CLIP4: variants seen among roughly 807,000 people sequenced by gnomAD.
CLIP4 encodes CAP-Gly domain containing linker protein family member 4, also known as CAP-Gly domain-containing linker protein 4.
Under a neutral mutation model 73.1 loss-of-function variants are expected in CLIP4, and 47 were observed. The ratio of observed to expected loss-of-function variants is 0.64; its 90% CI spans 0.51 to 0.82. The LOEUF (loss-of-function observed/expected upper bound fraction) is 0.82. Among genes scored for constraint, CLIP4 ranks in the 40% least tolerant of loss-of-function variants. The probability of loss-of-function intolerance (pLI) is 0.00; values close to 1 mark genes in which losing one functional copy is unlikely to be tolerated. For synonymous variants in CLIP4, 306 were observed against 295.4 expected, an observed-to-expected ratio of 1.04 and a Z score of -0.37; for missense variants, 874 against 852.9, an observed-to-expected ratio of 1.02 and a Z score of -0.31.
In CLIP4 at chr2:29,143,735, T is replaced by C. The variant is rs1665947287; in HGVS notation, c.675T>C (p.Asp225=). The change falls in exon 7 of 16, where the codon GAT becomes GAC. Residue 225 remains aspartate, a synonymous_variant. Coordinates refer to ENST00000320081, the MANE Select transcript of CLIP4 (RefSeq NM_024692.6). ...FRNDKGQIPA[D]VVPDPVDMPL... ...ATGACAAAGGACAGATCCCTGCTGA[T>C]GTTGTTCCAGACCCAGTAGATATGC... is the stretch of plus-strand genomic sequence containing the variant. 1.9e-6 allele frequency: 3 copies of C among 1,613,292 alleles called. No homozygotes were observed. The highest frequency in any genetic ancestry group is 2.7e-5 in the African/African-American group (2 of 74,930).
chr2:29,130,618 C>T, intron 2 of CLIP4: 1 of 1,095,188 alleles, frequency 9.1e-7, no homozygotes, highest in Non-Finnish European at 1.1e-6. Context: ...TGATTTTTGC[C>T]TAACAGGACC....
chr2:29,146,375 A>G (rs1666166377), intron 8 of CLIP4, among the ~76,000 whole-genome samples: 1 of 152,192 alleles, frequency 6.6e-6, no homozygotes, highest in Non-Finnish European at 1.5e-5. Context: ...AAGCAAGGCC[A>G]ACTTTATGAC....
rs561263827 is a variant in CLIP4, at chr2:29,145,321, TG to T, written c.977del (p.Gly326GlufsTer24). On this transcript the variant is annotated frameshift_variant, in exon 8 of 16. Coordinates refer to ENST00000320081, the MANE Select transcript of CLIP4 (RefSeq NM_024692.6). LOFTEE classifies it high-confidence loss of function. ...ELDEPEGKNN[G>X]SVGKVQYFKC... ...TGGATGAACCAGAAGGAAAAAATAA[TG>T]GAAGTGTTGGAAAAGTCCAGTACTT... is the stretch of plus-strand genomic sequence containing the variant. The T allele has an allele frequency of 6.2e-7, 1 of 1,613,178 alleles. No individual in the cohort carries two copies. Among genetic ancestry groups the T allele is most frequent in the South Asian group, 1.1e-5 (1 of 91,024 alleles).
intron 6 of CLIP4, among the ~76,000 whole-genome samples, chr2:29,139,566 C>A (rs3099566): frequency 0.17 from 25,748 of 152,048 alleles, 2,472 homozygotes; most frequent in Middle Eastern, 0.26. Flanking sequence ...TTATCAGCTC[C>A]TCCTCGTATG....
rs779241531 is a variant in CLIP4, at chr2:29,135,586, G to A, written c.568G>A (p.Ala190Thr). The change falls in exon 6 of 16, where the codon GCT becomes ACT. Residue 190 changes from alanine to threonine, a missense_variant. Transcript: ENST00000320081. ...TTGCAGTGATTTTAATTTTGGAACA[G>A]CTTTGCATATTGCAGCATACAACTT... Reference protein sequence around the residue: ...ATCSDFNFGTALHIAAYNLCA... With the variant: ...ATCSDFNFGTTLHIAAYNLCA... The A allele has an allele frequency of 6.2e-7, 1 of 1,610,462 alleles. No homozygotes were observed. Among genetic ancestry groups the A allele is most frequent in the East Asian group, 2.2e-5 (1 of 44,594 alleles).
intron 9 of CLIP4, among the ~76,000 whole-genome samples, chr2:29,153,829 T>C (rs1449857277): frequency 6.6e-6 from 1 of 152,204 alleles, no homozygotes; most frequent in Non-Finnish European, 1.5e-5. Context: ...TTTTTAAAAA[T>C]AAATCTTGAT....
intron 1 of CLIP4, among the ~76,000 whole-genome samples, chr2:29,116,970 A>G (rs1663899215): frequency 6.6e-6 from 1 of 152,236 alleles, no homozygotes; most frequent in Non-Finnish European, 1.5e-5. Context: ...TTTAGATTAT[A>G]TAAAATCAAC....
intron 6 of CLIP4, among the ~76,000 whole-genome samples, chr2:29,136,461 A>T (rs181538635): frequency 6.6e-6 from 1 of 151,714 alleles, no homozygotes; most frequent in African/African-American, 2.4e-5. Context: ...CCTTCTGACT[A>T]TATTGGTTAT....
At chr2:29,129,354 C>T (rs968108567) in intron 2 of CLIP4, among the ~76,000 whole-genome samples, 9 of 152,042 alleles carry the variant, frequency 5.9e-5, no homozygotes, top group African/African-American at 2.2e-4. Flanking sequence ...GGATTAGTTC[C>T]TATTTTTCTG....
intron 14 of CLIP4, among the ~76,000 whole-genome samples, chr2:29,173,302 A>G (rs1171455519): frequency 6.6e-6 from 1 of 152,224 alleles, no homozygotes; most frequent in Non-Finnish European, 1.5e-5. Context: ...CCTACTGAGG[A>G]TTAAGGTTGA....
At chr2:29,112,638 T>C (rs1005254220), upstream of CLIP4, among the ~76,000 whole-genome samples, 6 of 152,250 alleles carry the variant, frequency 3.9e-5, no homozygotes, top group Non-Finnish European at 7.3e-5. Context: ...ACTTTGTTGA[T>C]TCTGTTGGGC....
chr2:29,150,361 G>C (rs1300567329), intron 8 of CLIP4, among the ~76,000 whole-genome samples: 1 of 152,192 alleles, frequency 6.6e-6, no homozygotes, highest in Non-Finnish European at 1.5e-5. Flanking sequence ...ATACTGAAAA[G>C]TGTCCTTCAG....
intron 13 of CLIP4, 131 bp from the exon 14 acceptor site, chr2:29,167,345 G>A: frequency 2.1e-6 from 1 of 486,994 alleles, no homozygotes; most frequent in Non-Finnish European, 3.7e-6. Context: ...TTCATTCCTG[G>A]CTTAAAATGG....
chr2:29,119,875 C>G (rs1177900117), intron 1 of CLIP4, among the ~76,000 whole-genome samples: 3 of 152,198 alleles, frequency 2.0e-5, no homozygotes, highest in African/African-American at 7.2e-5. Context: ...AGATCCCATT[C>G]TGCCTCATAA....
At chr2:29,167,418 C>T (rs1243818363) in intron 13 of CLIP4, 58 bp from the exon 14 acceptor site, 1 of 1,203,498 alleles carries the variant, frequency 8.3e-7, no homozygotes, top group Non-Finnish European at 1.2e-6. Context: ...AGTTGATAAC[C>T]AGTCTTAAAC....
In CLIP4 at chr2:29,143,578, C is replaced by T. The variant is rs142686545; in HGVS notation, c.649-131C>T. ...TAGAATGGTGTCTGCATATTGTAGGCGTTCAGGAAATGTTTTTGAATAAAC... is the reference window on the plus strand; with the variant it reads ...TAGAATGGTGTCTGCATATTGTAGGTGTTCAGGAAATGTTTTTGAATAAAC... On this transcript the variant is annotated intron_variant, in intron 6 of 15. Transcript: ENST00000320081. The T allele has an allele frequency of 2.1e-3, 1,413 of 671,694 alleles. 23 individuals carry two copies. The East Asian group carries it at 0.034, about 16-fold the overall frequency. The allele number at this position is 671,694 out of a possible 1,614,324, so 41.6% of individuals were successfully genotyped here.
chr2:29,117,447 G>A (rs1252632250), intron 1 of CLIP4, among the ~76,000 whole-genome samples: 2 of 151,682 alleles, frequency 1.3e-5, no homozygotes, highest in African/African-American at 2.4e-5. Flanking sequence ...AGGTTCAAGC[G>A]ATTGTTCTGC....
Position 29,167,494 on chromosome 2 carries a change from T to C in CLIP4, c.1677T>C (p.Asp559=), listed in dbSNP as rs762268703. Residue 559 remains aspartate, a synonymous_variant, in exon 14 of 16, where the codon GAT becomes GAC. Coordinates refer to ENST00000320081, the MANE Select transcript of CLIP4 (RefSeq NM_024692.6). ...TTCATAGAGTAACAGATTCCCTGGA[T>C]ACCCTTTCAGAAATTTCTTCAAATA... ...SRVQRVTDSL[D]TLSEISSNKQ... 1.2e-6 allele frequency: 2 copies of C among 1,609,102 alleles called. No individual in the cohort carries two copies. Among genetic ancestry groups the C allele is most frequent in the African/African-American group, 2.7e-5 (2 of 74,812 alleles).
At chr2:29,155,146 G>C (rs1028693260) in intron 9 of CLIP4, among the ~76,000 whole-genome samples, 2 of 152,040 alleles carry the variant, frequency 1.3e-5, no homozygotes, top group African/African-American at 4.8e-5. Context: ...AAGAATTAAG[G>C]GTGTAGCTGG....
Sources: allele counts gnomAD v4.1 joint callset (sites outside exome capture counted in the v4.1 genomes callset), GRCh38; gene constraint gnomAD v4.1.1; transcripts MANE v1.5; gene names NCBI Gene and HGNC (gene_info 2026-07-23, HGNC 2026-07-21).